AGAP1: variants seen among roughly 807,000 people sequenced by gnomAD.
The protein encoded by AGAP1 is arf-GAP with GTPase, ANK repeat and PH domain-containing protein 1.
In AGAP1, 29 loss-of-function variants were observed where a neutral mutation model predicts 105.3. The ratio of observed to expected loss-of-function variants is 0.28; its 90% confidence interval spans 0.21 to 0.38. AGAP1 has a LOEUF of 0.38. Ranked by LOEUF, AGAP1 falls within the 10% of genes least tolerant of loss-of-function variation. The pLI is 1.00. For synonymous variants in AGAP1, 509 were observed against 485.9 expected, an observed-to-expected ratio of 1.05 and a Z score of -0.63; for missense variants, 998 against 1,165.1, an observed-to-expected ratio of 0.86 and a Z score of 2.09.
At position 235,867,322 on chromosome 2, in the gene AGAP1, A is replaced by G. The variant is rs926518632; in HGVS notation, c.1051-16023A>G. Among the ~76,000 whole-genome samples, 5 of 152,186 alleles carry G rather than the reference A, an allele frequency of 3.3e-5. No homozygotes were observed. Among genetic ancestry groups the G allele is most frequent in the African/African-American group, 9.7e-5 (4 of 41,440 alleles). ...CTCCCAGTTCAGGGCAAATGCAGCC[A>G]TTCCAACCAATGAACTTGACTGTGT... is the stretch of plus-strand genomic sequence containing the variant. On this transcript the variant is annotated intron_variant, in intron 9 of 17. Coordinates refer to ENST00000304032, the MANE Select transcript of AGAP1 (RefSeq NM_001037131.3). This position sits in a 1 kb window ranked among gnomAD's most constrained non-coding sequence, Gnocchi z 5.4.
intron 12 of AGAP1, among the ~76,000 whole-genome samples, chr2:235,935,808 G>A (rs764307588): frequency 1.2e-4 from 18 of 152,122 alleles, no homozygotes; most frequent in Non-Finnish European, 1.5e-4. Flanking sequence ...CGTTAGCCAC[G>A]AGTCAGCATC....
rs1404721902 is a variant in AGAP1 at position 236,036,563 on chromosome 2, C to G, written c.1648C>G (p.Gln550Glu). 6.2e-7 allele frequency: 1 copy of G among 1,613,942 alleles called. No homozygotes were observed. Among genetic ancestry groups the G allele is most frequent in the South Asian group, 1.1e-5 (1 of 91,058 alleles). The change falls in exon 14 of 18, where the codon CAA (glutamine) becomes GAA (glutamate). Residue 550 changes from glutamine (Q) to glutamate (E), a missense_variant and splice_region_variant. By Grantham distance (29) the Gln-to-Glu change is conservative. Transcript: ENST00000304032. The surrounding 1 kb of genome is among the most constrained non-coding windows in gnomAD (Gnocchi z 5.7). ...ADGLSGTAEE[Q>E]EENFEFIIVS... ...TCATCCCACACTCTGTGTTTCAGAA[C>G]AAGAAGAAAATTTTGAGTTTATCAT...
intron 16 of AGAP1, among the ~76,000 whole-genome samples, chr2:236,117,138 A>G (rs2059790432): frequency 6.6e-6 from 1 of 152,194 alleles, no homozygotes; most frequent in Non-Finnish European, 1.5e-5. Flanking sequence ...GCTGGATCAA[A>G]TGGCAGTTCT....
chr2:235,754,006 A>G lies in AGAP1; in HGVS notation c.673+3518A>G, dbSNP rs150393917. 4.1e-3 allele frequency among the ~76,000 whole-genome samples: 624 copies of G among 152,338 alleles called. 3 individuals carry two copies. Among genetic ancestry groups the G allele is most frequent in the African/African-American group, 0.014 (587 of 41,586 alleles). Reference sequence around the variant, plus strand: ...CTTAATAACAAAGTAAAAATCCTCAAGGAAAGTTAAACATTGTAAGGTTTA... The same window carrying G: ...CTTAATAACAAAGTAAAAATCCTCAGGGAAAGTTAAACATTGTAAGGTTTA... On this transcript the variant is annotated intron_variant, in intron 6 of 17. Transcript: ENST00000304032. The surrounding 1 kb of genome is among the most constrained non-coding windows in gnomAD (Gnocchi z 4.6).
In AGAP1 at chr2:235,642,238, C is replaced by T. The variant is rs1947222215; in HGVS notation, c.164-66941C>T. ...TGGCATGTGCAATGGGATCTCTTTC[C>T]TGAGTGCGCATTTCTTTCCTCACAT... On this transcript the variant is annotated intron_variant, in intron 1 of 17. Transcript: ENST00000304032. This position sits in a 1 kb window ranked among gnomAD's most constrained non-coding sequence, Gnocchi z 4.1. Among the ~76,000 whole-genome samples, 1 of 152,210 alleles carries T rather than the reference C, an allele frequency of 6.6e-6. No homozygotes were observed. Among genetic ancestry groups the T allele is most frequent in the African/African-American group, 2.4e-5 (1 of 41,454 alleles).
chr2:235,640,820 T>A (rs1386264685), intron 1 of AGAP1, among the ~76,000 whole-genome samples: 3 of 152,226 alleles, frequency 2.0e-5, no homozygotes, highest in Admixed American at 2.0e-4. Context: ...ATTCTTTTTC[T>A]TTCCACTTGA....
chr2:235,940,672 T>C (rs2053219004), intron 12 of AGAP1, among the ~76,000 whole-genome samples: 2 of 152,254 alleles, frequency 1.3e-5, no homozygotes, highest in African/African-American at 2.4e-5. Flanking sequence ...CACATTCTTG[T>C]TCGACTCCTA....
chr2:235,502,004 G>T (rs998771621), intron 1 of AGAP1, among the ~76,000 whole-genome samples: 1 of 152,070 alleles, frequency 6.6e-6, no homozygotes, highest in Non-Finnish European at 1.5e-5. Flanking sequence ...TTATTCAGGG[G>T]TACAAGTGCT....
At chr2:235,697,940 A>G (rs1432655254) in intron 1 of AGAP1, among the ~76,000 whole-genome samples, 1 of 152,220 alleles carries the variant, frequency 6.6e-6, no homozygotes, top group Non-Finnish European at 1.5e-5. Context: ...GCTCTTGCAT[A>G]CTACCAGCAT....
Position 235,979,538 on chromosome 2 carries a change from C to T in AGAP1, c.1645+10915C>T, listed in dbSNP as rs1000958563. On this transcript the variant is annotated intron_variant, in intron 13 of 17. Coordinates refer to ENST00000304032, the MANE Select transcript of AGAP1 (RefSeq NM_001037131.3). This position sits in a 1 kb window ranked among gnomAD's most constrained non-coding sequence, Gnocchi z 4.5. ...AATACCCTCCTGGCTTTCCACTCCA[C>T]CCCTTTCTCATCTCAGACATACCAT... Among the ~76,000 whole-genome samples, 1 of 152,206 alleles carries T rather than the reference C, an allele frequency of 6.6e-6. No homozygotes were observed. The highest frequency in any genetic ancestry group is 2.4e-5 in the African/African-American group (1 of 41,454).
chr2:235,791,548 GA>G (rs1956978309), intron 6 of AGAP1, among the ~76,000 whole-genome samples: 1 of 151,384 alleles, frequency 6.6e-6, no homozygotes, highest in South Asian at 2.1e-4. Context: ...GATTTGATTT[GA>G]TTTTTTTTTT....
At chr2:236,066,692 A>T (rs549105409) in intron 16 of AGAP1, among the ~76,000 whole-genome samples, 1 of 152,248 alleles carries the variant, frequency 6.6e-6, no homozygotes, top group African/African-American at 2.4e-5. Flanking sequence ...TATAATTTGC[A>T]TACTGCATTA....
chr2:235,588,434 C>G (rs897776013), intron 1 of AGAP1, among the ~76,000 whole-genome samples: 1 of 152,084 alleles, frequency 6.6e-6, no homozygotes, highest in South Asian at 2.1e-4. Context: ...CCTTCCTCAC[C>G]CTTGATGCTG....
At chr2:236,034,519 G>A (rs973385234) in intron 13 of AGAP1, among the ~76,000 whole-genome samples, 1 of 152,020 alleles carries the variant, frequency 6.6e-6, no homozygotes, top group South Asian at 2.1e-4. Flanking sequence ...AAATTCCTGA[G>A]CAACCAGACC....
rs139551438 is a variant in AGAP1, at chr2:235,936,060, C to A, written c.1483+5137C>A. Among the ~76,000 whole-genome samples the A allele has an allele frequency of 6.6e-6, 1 of 152,336 alleles. No individual in the cohort carries two copies. Among genetic ancestry groups the A allele is most frequent in the African/African-American group, 2.4e-5 (1 of 41,592 alleles). ...TGTTGCCATGGCAGCCTCGCTCCCC[C>A]AGCCCTGGACTGTCAGGTTCTTCTG... is the stretch of plus-strand genomic sequence containing the variant. On this transcript the variant is annotated intron_variant, in intron 12 of 17. Coordinates refer to ENST00000304032, the MANE Select transcript of AGAP1 (RefSeq NM_001037131.3). The surrounding 1 kb of genome is among the most constrained non-coding windows in gnomAD (Gnocchi z 4.7).
Position 235,934,724 on chromosome 2 carries a change from T to C in AGAP1, c.1483+3801T>C, listed in dbSNP as rs1482412118. 6.7e-6 allele frequency among the ~76,000 whole-genome samples: 1 copy of C among 149,128 alleles called. No individual in the cohort carries two copies. Among genetic ancestry groups the C allele is most frequent in the Non-Finnish European group, 1.5e-5 (1 of 67,406 alleles). On this transcript the variant is annotated intron_variant, in intron 12 of 17. Coordinates refer to ENST00000304032, the MANE Select transcript of AGAP1 (RefSeq NM_001037131.3). This position sits in a 1 kb window ranked among gnomAD's most constrained non-coding sequence, Gnocchi z 4.9. ...ATCTGCCCCCATCCCTAGTCTTTGG[T>C]TTGGATTTCAGAGTCGCTTACTCTG...
At chr2:235,823,343 C>T (rs1958902249) in intron 9 of AGAP1, among the ~76,000 whole-genome samples, 1 of 152,156 alleles carries the variant, frequency 6.6e-6, no homozygotes, top group African/African-American at 2.4e-5. Flanking sequence ...CCGTATCACC[C>T]AGGCTGGTCT....
rs10587179 is a variant in AGAP1 at position 235,636,115 on chromosome 2, GTAAATAAATAAA to G, written c.164-73035_164-73024del. On this transcript the variant is annotated intron_variant, in intron 1 of 17. Transcript: ENST00000304032. The stretch of plus-strand genomic sequence containing the variant: ...GCAACAAGAGCGAGACTCTGTCTCA[GTAAATAAATAAA>G]TAAATAAATAAATAAATAAATAAAT... Among the ~76,000 whole-genome samples the G allele has an allele frequency of 6.7e-4, 97 of 144,056 alleles. 1 individual carries two copies. The East Asian group carries it at 0.011, about 16-fold the overall frequency. 94.5% of individuals were successfully genotyped at this position (144,056 alleles called of 152,430 possible). A position where few individuals can be genotyped will look rare whatever the true frequency, so the allele number is the denominator to read the frequency against.
intron 1 of AGAP1, among the ~76,000 whole-genome samples, chr2:235,519,073 G>A (rs972294859): frequency 2.6e-5 from 4 of 152,154 alleles, no homozygotes; most frequent in Admixed American, 1.3e-4. Context: ...TTTGGTGTGT[G>A]TGTATGTGTT....
Sources: allele counts gnomAD v4.1 joint callset (sites outside exome capture counted in the v4.1 genomes callset), GRCh38; gene constraint gnomAD v4.1.1; non-coding constraint Gnocchi (gnomAD v3.1); transcripts MANE v1.5; gene names NCBI Gene and HGNC (gene_info 2026-07-23, HGNC 2026-07-21).